ENTREP2: variants seen among roughly 807,000 people sequenced by gnomAD.
ENTREP2 encodes endosomal transmembrane epsin interactor 2.
At chr15:29,287,605 A>G in the ENTREP2 span, among the ~76,000 whole-genome samples, 1 of 152,376 alleles carries the variant, frequency 6.6e-6, no homozygotes, top group Middle Eastern at 3.4e-3. Context: ...GAACATTATA[A>G]AACAATATTG....
the ENTREP2 span, among the ~76,000 whole-genome samples, chr15:29,541,729 A>G: frequency 6.6e-6 from 1 of 152,156 alleles, no homozygotes; most frequent in African/African-American, 2.4e-5. Context: ...TGACTGCAAG[A>G]GGCCACTGTG....
chr15:29,666,327 C>T, the ENTREP2 span, among the ~76,000 whole-genome samples: 3 of 152,072 alleles, frequency 2.0e-5, no homozygotes, highest in Admixed American at 2.0e-4. Context: ...TCAGACTTGA[C>T]TCCGCTCATG....
At chr15:29,634,615 G>A in the ENTREP2 span, among the ~76,000 whole-genome samples, 1 of 152,162 alleles carries the variant, frequency 6.6e-6, no homozygotes, top group East Asian at 1.9e-4. Flanking sequence ...CTGTCTACCT[G>A]GAGAGAGTAT....
At chr15:29,465,036 G>T in the ENTREP2 span, among the ~76,000 whole-genome samples, 1 of 152,064 alleles carries the variant, frequency 6.6e-6, no homozygotes, top group Non-Finnish European at 1.5e-5. Flanking sequence ...AAAGCATGGG[G>T]CTTTAGAGGA....
chr15:29,534,106 CAAAAAAAAAAAAAAAAAAAAA>C, the ENTREP2 span, among the ~76,000 whole-genome samples: 44 of 44,936 alleles, frequency 9.8e-4, no homozygotes, highest in East Asian at 0.022. Flanking sequence ...GCCCCTTGGC[CAAAAAAAAAAAAAAAAAAAAA>C]AAAAAAAAAA....
the ENTREP2 span, among the ~76,000 whole-genome samples, chr15:29,496,687 CTTCA>C: frequency 6.6e-6 from 1 of 151,834 alleles, no homozygotes; most frequent in South Asian, 2.1e-4. Flanking sequence ...AATTTTTGTC[CTTCA>C]TTCTTTCTGT....
chr15:29,241,952 G>A, the ENTREP2 span, among the ~76,000 whole-genome samples: 1 of 152,172 alleles, frequency 6.6e-6, no homozygotes. Context: ...AGTGAGGTGG[G>A]AGGATCACTT....
the ENTREP2 span, among the ~76,000 whole-genome samples, chr15:29,319,803 C>A: frequency 1.3e-5 from 2 of 152,176 alleles, no homozygotes; most frequent in African/African-American, 4.8e-5. Context: ...CCAGTTGGAG[C>A]CTCCAAACGT....
the ENTREP2 span, among the ~76,000 whole-genome samples, chr15:29,392,702 T>G: frequency 6.6e-6 from 1 of 152,242 alleles, no homozygotes; most frequent in African/African-American, 2.4e-5. Flanking sequence ...TGAATTTATA[T>G]TTTTCATTCG....
the ENTREP2 span, among the ~76,000 whole-genome samples, chr15:29,488,450 T>C: frequency 6.6e-6 from 1 of 152,052 alleles, no homozygotes; most frequent in African/African-American, 2.4e-5. Flanking sequence ...ACCAAGTACA[T>C]AACAGGAATC....
chr15:29,577,165 T>C, the ENTREP2 span, among the ~76,000 whole-genome samples: 2 of 151,678 alleles, frequency 1.3e-5, no homozygotes, highest in African/African-American at 2.4e-5. Flanking sequence ...GGTCAAGATA[T>C]GGAGAAATTA....
the ENTREP2 span, among the ~76,000 whole-genome samples, chr15:29,305,570 C>T: frequency 1.3e-5 from 2 of 152,198 alleles, no homozygotes; most frequent in South Asian, 4.2e-4. Context: ...ATGCACTTTG[C>T]TGAGAGGGAG....
the ENTREP2 span, among the ~76,000 whole-genome samples, chr15:29,153,145 C>T: frequency 6.8e-6 from 1 of 147,606 alleles, no homozygotes; most frequent in Non-Finnish European, 1.5e-5. Flanking sequence ...GTAATGTTTA[C>T]TTTTTTTTTT....
chr15:29,536,329 T>C, the ENTREP2 span, among the ~76,000 whole-genome samples: 1 of 152,134 alleles, frequency 6.6e-6, no homozygotes, highest in Non-Finnish European at 1.5e-5. Flanking sequence ...ATTAAGATAC[T>C]CTTACCAGCA....
chr15:29,648,022 C>G, the ENTREP2 span, among the ~76,000 whole-genome samples: 1 of 152,154 alleles, frequency 6.6e-6, no homozygotes, highest in East Asian at 1.9e-4. Flanking sequence ...AGAAAACTTC[C>G]TTGATGAAAC....
chr15:29,625,850 T>TC, the ENTREP2 span, among the ~76,000 whole-genome samples: 1 of 151,960 alleles, frequency 6.6e-6, no homozygotes, highest in East Asian at 1.9e-4. Context: ...AAAAACAATT[T>TC]TTTTCTTTTC....
chr15:29,157,879 G>A, the ENTREP2 span, among the ~76,000 whole-genome samples: 3 of 151,928 alleles, frequency 2.0e-5, no homozygotes, highest in Admixed American at 6.6e-5. Context: ...ACAGGCATAC[G>A]CCACCACGCC....
chr15:29,583,869 C>T, the ENTREP2 span, among the ~76,000 whole-genome samples: 2 of 152,070 alleles, frequency 1.3e-5, no homozygotes, highest in Non-Finnish European at 2.9e-5. Flanking sequence ...TTCCTCACAC[C>T]ATATACAACA....
At chr15:29,385,979 C>T in the ENTREP2 span, among the ~76,000 whole-genome samples, 7 of 152,086 alleles carry the variant, frequency 4.6e-5, no homozygotes, top group Admixed American at 3.9e-4. Flanking sequence ...AGAATTTGGT[C>T]GAGGGCAGTC....
Sources: allele counts gnomAD v4.1 joint callset (sites outside exome capture counted in the v4.1 genomes callset), GRCh38; gene constraint gnomAD v4.1.1; transcripts MANE v1.5; gene names NCBI Gene and HGNC (gene_info 2026-07-23, HGNC 2026-07-21).